The following SAMD12 variants were observed in gnomAD, a reference collection of about 807,000 sequenced individuals.
The protein encoded by SAMD12 is sterile alpha motif domain-containing protein 12.
SAMD12 carries 9 observed loss-of-function variants against 15.0 expected under a neutral mutation model. The observed-to-expected ratio is 0.60, with a 90% confidence interval of 0.36 to 1.05. The LOEUF is 1.05. Among genes scored for constraint, SAMD12 ranks in the 50% least tolerant of loss-of-function variants. The pLI is 0.01. For missense variants in SAMD12, 230 were observed against 234.2 expected (o/e 0.98, Z 0.12); for synonymous variants, 86 against 90.1 (o/e 0.96, Z 0.25).
chr8:118,380,609 T>C (rs28708682), intron 3 of SAMD12, among the ~76,000 whole-genome samples: 3 of 152,138 alleles, frequency 2.0e-5, no homozygotes, highest in Non-Finnish European at 4.4e-5. Context: ...TAAATGCCCA[T>C]AGCACCACCC....
intron 4 of SAMD12, among the ~76,000 whole-genome samples, chr8:118,225,696 T>C (rs576889283): frequency 2.8e-4 from 43 of 152,248 alleles, no homozygotes; most frequent in East Asian, 1.2e-3. Flanking sequence ...AAAGAGCAAG[T>C]TGGGATCAGA....
chr8:118,345,084 C>T (rs1007032415), intron 4 of SAMD12, among the ~76,000 whole-genome samples: 6 of 152,172 alleles, frequency 3.9e-5, no homozygotes, highest in Non-Finnish European at 8.8e-5. Context: ...GTTTCATTCA[C>T]GGTAAATGCC....
At chr8:118,420,496 A>AACCACTGAC (rs1821946562) in intron 3 of SAMD12, among the ~76,000 whole-genome samples, 1 of 152,222 alleles carries the variant, frequency 6.6e-6, no homozygotes, top group African/African-American at 2.4e-5. Context: ...TTTTGTATTC[A>AACCACTGAC]ACCACTGACA....
the SAMD12 span, among the ~76,000 whole-genome samples, chr8:118,133,855 A>G: frequency 1.3e-5 from 2 of 152,218 alleles, no homozygotes; most frequent in Non-Finnish European, 2.9e-5. Flanking sequence ...ATTATTCTCC[A>G]GCTTGGAGCA....
rs1753059407 is a variant in SAMD12, at chr8:118,576,506, G to A, written c.192+4209C>T. On this transcript the variant is annotated intron_variant, in intron 2 of 3. Transcript: ENST00000314727. ...TTGGCTCAAAGTGCTTAGACTTCAC[G>A]GCTAAAGGCACCCTCCATTCTTAGG... Among the ~76,000 whole-genome samples, 3 of 152,106 alleles carry A rather than the reference G, an allele frequency of 2.0e-5. No homozygotes were observed. In the South Asian group the frequency reaches 6.2e-4, roughly 32 times the overall value.
chr8:118,378,404 A>G lies in SAMD12; in HGVS notation c.*1013T>C, dbSNP rs190026167. The G allele has an allele frequency of 4.2e-5, 41 of 970,664 alleles. No individual in the cohort carries two copies. The Admixed American group carries it at 2.5e-3, about 60-fold the overall frequency. 60.1% of individuals were successfully genotyped at this position (970,664 alleles called of 1,614,324 possible). On this transcript the variant is annotated 3_prime_UTR_variant, in exon 4 of 4. Transcript: ENST00000314727. ...TCAAATTTAAATCACTTAGTATACC[A>G]GTAAATTCACCATTGGAAATCTCTG...
chr8:118,534,996 G>A (rs546646470), intron 2 of SAMD12, among the ~76,000 whole-genome samples: 2 of 152,188 alleles, frequency 1.3e-5, no homozygotes, highest in Non-Finnish European at 2.9e-5. Flanking sequence ...TGCTGGCGAG[G>A]AGCTGCATTC....
At chr8:118,572,942 T>C (rs1827057921) in intron 2 of SAMD12, among the ~76,000 whole-genome samples, 1 of 152,138 alleles carries the variant, frequency 6.6e-6, no homozygotes, top group Admixed American at 6.5e-5. Context: ...CTTCTCGTGA[T>C]AGTGAGTCAG....
the SAMD12 span, among the ~76,000 whole-genome samples, chr8:118,161,041 G>T: frequency 1.3e-5 from 2 of 152,066 alleles, no homozygotes; most frequent in African/African-American, 4.8e-5. Flanking sequence ...AGAACATGCG[G>T]TGTTTGGTTT....
At chr8:118,466,953 A>G (rs1823612880) in intron 2 of SAMD12, among the ~76,000 whole-genome samples, 2 of 152,352 alleles carry the variant, frequency 1.3e-5, no homozygotes, top group African/African-American at 4.8e-5. Flanking sequence ...ACATAAGCAA[A>G]TAAAGATGGT....
rs188776090 is a variant in SAMD12, at chr8:118,385,922, G to A, written c.323-6222C>T. On this transcript the variant is annotated intron_variant, in intron 3 of 3. Coordinates refer to ENST00000314727, the MANE Select transcript of SAMD12 (RefSeq NM_207506.3). ...GGAAGAGGCTCCATTTCATTGTGGT[G>A]ACCACAGAAACACATGCCAATTGAA... is the stretch of plus-strand genomic sequence containing the variant. Among the ~76,000 whole-genome samples, 57 of 152,308 alleles carry A rather than the reference G, an allele frequency of 3.7e-4. 2 individuals carry two copies. The East Asian group carries it at 0.01, about 28-fold the overall frequency.
At chr8:118,604,847 G>A (rs187753147) in intron 1 of SAMD12, among the ~76,000 whole-genome samples, 57 of 152,086 alleles carry the variant, frequency 3.7e-4, no homozygotes, top group African/African-American at 1.2e-3. Flanking sequence ...GCATGAACCC[G>A]GGGGACGGAG....
At chr8:118,247,711 G>A (rs1433972879) in intron 4 of SAMD12, among the ~76,000 whole-genome samples, 1 of 151,920 alleles carries the variant, frequency 6.6e-6, no homozygotes, top group Non-Finnish European at 1.5e-5. Context: ...TTGTGCCTCA[G>A]CCTCCCAAGT....
chr8:118,522,963 G>A (rs1486216743), intron 2 of SAMD12, among the ~76,000 whole-genome samples: 2 of 152,104 alleles, frequency 1.3e-5, no homozygotes, highest in East Asian at 3.9e-4. Context: ...GTTCCAGGCT[G>A]TTTTGGTCCT....
intron 4 of SAMD12, among the ~76,000 whole-genome samples, chr8:118,265,624 C>T (rs540125853): frequency 4.2e-4 from 64 of 151,548 alleles, no homozygotes; most frequent in African/African-American, 1.5e-3. Context: ...GAACTAGATT[C>T]CCTCTCTTTG....
chr8:118,389,132 G>A (rs546329295), intron 3 of SAMD12, among the ~76,000 whole-genome samples: 23 of 152,278 alleles, frequency 1.5e-4, no homozygotes, highest in Admixed American at 3.9e-4. Flanking sequence ...TTTCACAAAA[G>A]CCTATCATGG....
chr8:118,254,597 C>T (rs184574163), intron 4 of SAMD12, among the ~76,000 whole-genome samples: 114 of 152,140 alleles, frequency 7.5e-4, no homozygotes, highest in Admixed American at 7.3e-3. Flanking sequence ...CAAACTTCCC[C>T]CTTCCTCACC....
intron 2 of SAMD12, among the ~76,000 whole-genome samples, chr8:118,506,307 C>G (rs754253258): frequency 3.3e-5 from 5 of 152,206 alleles, no homozygotes; most frequent in Admixed American, 6.5e-5. Flanking sequence ...AACTTAATCA[C>G]TTTCCTATGC....
intron 4 of SAMD12, among the ~76,000 whole-genome samples, chr8:118,359,394 CTGCGGTAGTT>C (rs1818382807): frequency 6.6e-6 from 1 of 152,166 alleles, no homozygotes; most frequent in Non-Finnish European, 1.5e-5. Flanking sequence ...GCCACCCAGT[CTGCGGTAGTT>C]TGCTATGGCA....
Sources: allele counts gnomAD v4.1 joint callset (sites outside exome capture counted in the v4.1 genomes callset), GRCh38; gene constraint gnomAD v4.1.1; transcripts MANE v1.5; gene names NCBI Gene and HGNC (gene_info 2026-07-23, HGNC 2026-07-21).